The following PACRG variants were observed in gnomAD, a reference collection of about 807,000 sequenced individuals.
PACRG encodes parkin coregulated gene protein.
PACRG carries 29 observed loss-of-function variants against 29.7 expected under a neutral mutation model. The observed-to-expected ratio is 0.98, with a 90% confidence interval of 0.73 to 1.33. The LOEUF (loss-of-function observed/expected upper bound fraction) is 1.33. Ranked by LOEUF, PACRG falls within the 40% of genes most tolerant of loss-of-function variation. The pLI, the probability that PACRG is intolerant of heterozygous loss-of-function variation, is 0.00. For missense variants in PACRG, 279 were observed against 316.2 expected, an observed-to-expected ratio of 0.88 and a Z score of 0.89; for synonymous variants, 116 against 118.7, an observed-to-expected ratio of 0.98 and a Z score of 0.15.
At chr6:162,770,362 A>G (rs889827838) in intron 1 of PACRG, among the ~76,000 whole-genome samples, 3 of 152,138 alleles carry the variant, frequency 2.0e-5, no homozygotes, top group Admixed American at 6.5e-5. Context: ...CCTTGAACCT[A>G]TGGCATCCAT....
chr6:162,974,161 T>C lies in PACRG; in HGVS notation c.292-87989T>C, dbSNP rs554997974. Reference sequence around the variant, plus strand: ...CCTGCATTGACGGGGCTCGCTCAAGTATTTCAGTTTCAACACAGCTGTCCT... The same window carrying C: ...CCTGCATTGACGGGGCTCGCTCAAGCATTTCAGTTTCAACACAGCTGTCCT... On this transcript the variant is annotated intron_variant, in intron 2 of 4. Coordinates refer to ENST00000366888, the MANE Select transcript of PACRG (RefSeq NM_001080379.2). 3.0e-4 allele frequency among the ~76,000 whole-genome samples: 46 copies of C among 152,058 alleles called. No homozygotes were observed. The South Asian group carries it at 9.3e-3, about 31-fold the overall frequency.
chr6:163,208,338 C>T (rs1362799477), intron 4 of PACRG, among the ~76,000 whole-genome samples: 2 of 150,836 alleles, frequency 1.3e-5, no homozygotes, highest in East Asian at 3.9e-4. Context: ...ATGAAGATGA[C>T]GGTGGTAGTG....
intron 2 of PACRG, among the ~76,000 whole-genome samples, chr6:162,866,943 G>T (rs908726629): frequency 6.6e-6 from 1 of 152,166 alleles, no homozygotes; most frequent in Non-Finnish European, 1.5e-5. Flanking sequence ...ACTTCAAGAG[G>T]TGTTTCCTCT....
rs146925773 is a variant in PACRG, at chr6:162,807,932, A to G, written c.157-6215A>G. 9.3e-3 allele frequency among the ~76,000 whole-genome samples: 1,415 copies of G among 152,328 alleles called. 31 individuals are homozygous for G. The highest frequency in any genetic ancestry group is 0.032 in the African/African-American group (1,344 of 41,570). On this transcript the variant is annotated intron_variant, in intron 1 of 4. Coordinates refer to ENST00000366888, the MANE Select transcript of PACRG (RefSeq NM_001080379.2). Reference sequence around the variant, plus strand: ...CTTTTCTGACTATCATGATCATAATATATTGTTAAATTCTTAAATTGTTAT... The same window carrying G: ...CTTTTCTGACTATCATGATCATAATGTATTGTTAAATTCTTAAATTGTTAT...
chr6:163,244,086 C>T (rs1782604543), intron 4 of PACRG, among the ~76,000 whole-genome samples: 1 of 152,192 alleles, frequency 6.6e-6, no homozygotes, highest in Non-Finnish European at 1.5e-5. Flanking sequence ...CAGTGATTCA[C>T]AAAGACGAAT....
intron 1 of PACRG, among the ~76,000 whole-genome samples, chr6:162,803,633 A>G (rs1786067359): frequency 6.6e-6 from 1 of 152,210 alleles, no homozygotes. Context: ...CAATACAACC[A>G]GTATTTAATA....
At chr6:162,947,396 AATATATAATC>A (rs1175240759) in intron 2 of PACRG, among the ~76,000 whole-genome samples, 2 of 43,862 alleles carry the variant, frequency 4.6e-5, no homozygotes, top group East Asian at 6.1e-4. Flanking sequence ...AATCATATAT[AATATATAATC>A]ATATATAATC....
At chr6:163,158,534 A>G (rs1039330470) in intron 4 of PACRG, among the ~76,000 whole-genome samples, 3 of 152,234 alleles carry the variant, frequency 2.0e-5, no homozygotes, top group Non-Finnish European at 4.4e-5. Flanking sequence ...GATGTGTGTC[A>G]TTAAAAGTTA....
chr6:162,827,022 A>G (rs1288014309), intron 2 of PACRG, among the ~76,000 whole-genome samples: 1 of 152,216 alleles, frequency 6.6e-6, no homozygotes, highest in Non-Finnish European at 1.5e-5. Context: ...TCTTCATAGA[A>G]ATAATCACTG....
chr6:162,955,881 C>G (rs1489631787), intron 2 of PACRG, among the ~76,000 whole-genome samples: 1 of 152,154 alleles, frequency 6.6e-6, no homozygotes, highest in Admixed American at 6.5e-5. Flanking sequence ...ACTTCTTTCT[C>G]CGGGGCTGGC....
chr6:163,199,952 G>A (rs1202997241), intron 4 of PACRG, among the ~76,000 whole-genome samples: 1 of 152,172 alleles, frequency 6.6e-6, no homozygotes, highest in Non-Finnish European at 1.5e-5. Flanking sequence ...CTGCCTAGAG[G>A]AAGGTCTTGG....
intron 4 of PACRG, among the ~76,000 whole-genome samples, chr6:163,170,125 G>C (rs527880808): frequency 2.0e-5 from 3 of 152,276 alleles, no homozygotes; most frequent in African/African-American, 7.2e-5. Flanking sequence ...AGGAATTTTA[G>C]AGGCTGAAAG....
At chr6:162,989,920 GATGTTCCCCTTC>G (rs1428501273) in intron 2 of PACRG, among the ~76,000 whole-genome samples, 1 of 151,914 alleles carries the variant, frequency 6.6e-6, no homozygotes, top group African/African-American at 2.4e-5. Context: ...CCCAGAGTGT[GATGTTCCCCTTC>G]ATGTGTCCAT....
At chr6:163,173,684 C>G (rs1219285536) in intron 4 of PACRG, among the ~76,000 whole-genome samples, 1 of 152,204 alleles carries the variant, frequency 6.6e-6, no homozygotes, top group Non-Finnish European at 1.5e-5. Context: ...TTGCTGCTTC[C>G]TTTTCCATAG....
At chr6:163,169,780 T>C (rs1265780694) in intron 4 of PACRG, among the ~76,000 whole-genome samples, 1 of 152,152 alleles carries the variant, frequency 6.6e-6, no homozygotes, top group Non-Finnish European at 1.5e-5. Context: ...GGGGAGCGCC[T>C]TCTTCTGCTC....
chr6:163,043,509 A>G (rs1051300162), intron 2 of PACRG, among the ~76,000 whole-genome samples: 5 of 151,972 alleles, frequency 3.3e-5, no homozygotes, highest in Non-Finnish European at 7.4e-5. Flanking sequence ...CCGAGATCGC[A>G]CCACTGCACT....
intron 2 of PACRG, among the ~76,000 whole-genome samples, chr6:163,037,095 ACTGTAACCCT>A (rs1808271742): frequency 1.3e-5 from 2 of 152,214 alleles, no homozygotes; most frequent in African/African-American, 4.8e-5. Context: ...TGTGCAAAAC[ACTGTAACCCT>A]CTTTGTCATC....
At position 163,055,169 on chromosome 6, in the gene PACRG, A is replaced by G. The variant is rs1449133835; in HGVS notation, c.292-6981A>G. Among the ~76,000 whole-genome samples, 1 of 152,194 alleles carries G rather than the reference A, an allele frequency of 6.6e-6. No individual in the cohort carries two copies. The highest frequency in any genetic ancestry group is 1.5e-5 in the Non-Finnish European group (1 of 68,030). ...AAGAATTCTCTTGAAAAACTTTACT[A>G]TGAAGAATAATGTGGAAATGGAGCG... is the stretch of plus-strand genomic sequence containing the variant. On this transcript the variant is annotated intron_variant, in intron 2 of 4. Transcript: ENST00000366888. This position sits in a 1 kb window ranked among gnomAD's most constrained non-coding sequence, Gnocchi z 4.0.
chr6:163,040,698 C>A (rs182591832), intron 2 of PACRG, among the ~76,000 whole-genome samples: 21 of 152,328 alleles, frequency 1.4e-4, no homozygotes. Flanking sequence ...ACTGCCCAGC[C>A]AGTTTTCAGA....
Sources: allele counts gnomAD v4.1 joint callset (sites outside exome capture counted in the v4.1 genomes callset), GRCh38; gene constraint gnomAD v4.1.1; non-coding constraint Gnocchi (gnomAD v3.1); transcripts MANE v1.5; gene names NCBI Gene and HGNC (gene_info 2026-07-23, HGNC 2026-07-21).